AARS2: variants seen among roughly 807,000 people sequenced by gnomAD.
AARS2 encodes the protein alanine--tRNA ligase, mitochondrial.
A neutral mutation model predicts 119.7 loss-of-function variants in AARS2; 78 were observed. The observed-to-expected ratio is 0.65, with a 90% CI of 0.54 to 0.79. The LOEUF is 0.79. AARS2 is among the 30% of genes least tolerant of loss of function. The probability of loss-of-function intolerance (pLI) is 0.00; values close to 1 mark genes in which losing one functional copy is unlikely to be tolerated. For synonymous variants in AARS2, 502 were observed against 526.3 expected (o/e 0.95, Z 0.63); for missense variants, 1,157 against 1,291.3 (o/e 0.90, Z 1.59).
Position 44,307,249 on chromosome 6 carries a change from G to GAA in AARS2, c.1039_1040insTT (p.Pro347LeufsTer20). On this transcript the variant is annotated frameshift_variant and splice_region_variant, in exon 6 of 22. Coordinates refer to ENST00000244571, the MANE Select transcript of AARS2 (RefSeq NM_020745.4). LOFTEE classifies it high-confidence loss of function. The surrounding 1 kb of genome is among the most constrained non-coding windows in gnomAD (Gnocchi z 4.4). ...CTCTCTGTAGCCCTTCCAGACTCAC[G>GAA]GGGGACCTGACATCCCAGGGAAGAT... The GAA allele has an allele frequency of 6.2e-7, 1 of 1,613,792 alleles. No homozygotes were observed.
intron 5 of AARS2, among the ~76,000 whole-genome samples, chr6:44,309,332 G>A (rs1786153845): frequency 6.6e-6 from 1 of 152,192 alleles, no homozygotes; most frequent in South Asian, 2.1e-4. Context: ...ATGGATGAAT[G>A]AGCTCACACA....
Position 44,304,437 on chromosome 6 carries a change from G to A in AARS2, c.1849C>T (p.Gln617Ter). ...PECLRLGDQV[Q>*]LHVDEAWRLG... is the part of the protein sequence containing the mutation. ...ATCCTTACCTCATCCACATGCAGCT[G>A]CACCTGGTCCCCTAACCGCAGGCAC... Residue 617 changes from glutamine (Q) to a stop codon, truncating the protein, a stop_gained, in exon 13 of 22, where the codon CAG becomes TAG. Coordinates refer to ENST00000244571, the MANE Select transcript of AARS2 (RefSeq NM_020745.4). LOFTEE classifies it high-confidence loss of function. 2 of 1,614,206 alleles carry A rather than the reference G, an allele frequency of 1.2e-6. No homozygotes were observed. Among genetic ancestry groups the A allele is most frequent in the Non-Finnish European group, 1.7e-6 (2 of 1,180,022 alleles).
Position 44,303,094 on chromosome 6 carries a change from G to T in AARS2, c.2227C>A (p.Gln743Lys). 1 of 1,614,144 alleles carries T rather than the reference G, an allele frequency of 6.2e-7. No homozygotes were observed. The highest frequency in any genetic ancestry group is 8.5e-7 in the Non-Finnish European group (1 of 1,180,046). ...CCACAGCATAGCTCCACAGAGGTCT[G>T]CAGTGCGGCTTGGGAGGCTGGGTCC... Reference protein sequence around the residue: ...ALDPASQAALQTSVELCCGTH... With the variant: ...ALDPASQAALKTSVELCCGTH... The change falls in exon 16 of 22, where the codon CAG (glutamine) becomes AAG (lysine). Residue 743 changes from glutamine to lysine, a missense_variant. Gln to Lys is a moderately conservative substitution (Grantham distance 53). Transcript: ENST00000244571.
rs199919912 is a variant in AARS2 at position 44,310,432 on chromosome 6, C to A, written c.761G>T (p.Gly254Val). The A allele has an allele frequency of 6.2e-7, 1 of 1,613,706 alleles. No individual in the cohort carries two copies. The highest frequency in any genetic ancestry group is 1.3e-5 in the African/African-American group (1 of 75,058). ...VFMQHNREAD[G>V]SLQPLPQRHV... ...CCGCTGGGGCAGGGGCTGCAGGCTT[C>A]CATCTGCCTCTCTGGCCAGGGAAGG... Residue 254 changes from glycine (G) to valine (V), a missense_variant, in exon 5 of 22, where the codon GGA (glycine) becomes GTA (valine). Transcript: ENST00000244571.
Position 44,305,026 on chromosome 6 carries a change from G to A in AARS2, c.1579+28C>T. On this transcript the variant is annotated intron_variant, in intron 11 of 21. Coordinates refer to ENST00000244571, the MANE Select transcript of AARS2 (RefSeq NM_020745.4). The surrounding 1 kb of genome is among the most constrained non-coding windows in gnomAD (Gnocchi z 4.6). ...CTTAGTCATGGTCAGGCAAGCTTGTGGCGGCAGGCCTTGGTCCAGGCTCTC... is the reference window on the plus strand; with the variant it reads ...CTTAGTCATGGTCAGGCAAGCTTGTAGCGGCAGGCCTTGGTCCAGGCTCTC... The A allele has an allele frequency of 6.2e-7, 1 of 1,614,118 alleles. No individual in the cohort carries two copies. The highest frequency in any genetic ancestry group is 8.5e-7 in the Non-Finnish European group (1 of 1,180,006).
Position 44,303,295 on chromosome 6 carries a change from A to G in AARS2, c.2136T>C (p.Ser712=), listed in dbSNP as rs148905693. 9.9e-6 allele frequency: 16 copies of G among 1,614,006 alleles called. No homozygotes were observed. The African/African-American group carries it at 1.9e-4, about 19-fold the overall frequency. ...ALTAQVPGLR[S]LDEVYPDPVR... is the part of the protein sequence containing the mutation. ...GGCTTCCCCAACTCACCTCATCCAGAGAGCGCAGGCCAGGGACCTGGGCAG... is the reference window on the plus strand; with the variant it reads ...GGCTTCCCCAACTCACCTCATCCAGGGAGCGCAGGCCAGGGACCTGGGCAG... Residue 712 remains serine (S), a synonymous_variant, in exon 15 of 22, where the codon TCT becomes TCC. Transcript: ENST00000244571.
In AARS2 at chr6:44,306,476, C is replaced by G. The variant is rs1379206089; in HGVS notation, c.1188+18G>C. ...AACTCTCCCATCAACCCCTTTCTCT[C>G]CCACTGGAATCCAGTACCTGGGCTG... On this transcript the variant is annotated intron_variant, in intron 8 of 21. Transcript: ENST00000244571. 6.2e-7 allele frequency: 1 copy of G among 1,614,160 alleles called. No homozygotes were observed. The highest frequency in any genetic ancestry group is 1.3e-5 in the African/African-American group (1 of 75,038).
chr6:44,310,274 C>T (rs1786232577), intron 5 of AARS2, 25 bp downstream of exon 5: 1 of 1,573,902 alleles, frequency 6.4e-7, no homozygotes, highest in Non-Finnish European at 8.6e-7. Flanking sequence ...GGTTAGAGGG[C>T]TTCTGGAAGG....
intron 8 of AARS2, 43 bp from the exon 9 acceptor site, chr6:44,306,434 G>A (rs1203943628): frequency 6.2e-7 from 1 of 1,613,786 alleles, no homozygotes; most frequent in Non-Finnish European, 8.5e-7. Context: ...CTCCTTGGAA[G>A]GAGGGTCTCT....
chr6:44,308,845 G>A (rs1026045368), intron 5 of AARS2, among the ~76,000 whole-genome samples: 9 of 151,850 alleles, frequency 5.9e-5, no homozygotes, highest in Non-Finnish European at 7.4e-5. Flanking sequence ...CAAGCGATCC[G>A]CCCCCCTCTG....
rs1456091840 is a variant in AARS2 at position 44,299,503 on chromosome 6, G to C, written c.*1044C>G. Among the ~76,000 whole-genome samples the C allele has an allele frequency of 6.6e-6, 1 of 151,432 alleles. No homozygotes were observed. On this transcript the variant is annotated 3_prime_UTR_variant, in exon 22 of 22. Coordinates refer to ENST00000244571, the MANE Select transcript of AARS2 (RefSeq NM_020745.4). ...TGGTCTTGCACTTCTGGCCTCAAGC[G>C]ATTCTCCAACCTCAGCCTCCTAAAA...
chr6:44,301,247 C>A lies in AARS2; in HGVS notation c.2702G>T (p.Arg901Leu). The A allele has an allele frequency of 6.2e-7, 1 of 1,613,922 alleles. No homozygotes were observed. The highest frequency in any genetic ancestry group is 2.2e-5 in the East Asian group (1 of 44,872). ...GCTGGGGGCCTGCTCACACAGCTGC[C>A]GTACCACCTTCACCAGCACCTGGAC... ...ESLSVLVKVV[R>L]QLCEQAPSTS... The change falls in exon 21 of 22, where the codon CGG becomes CTG. Residue 901 changes from arginine (R) to leucine (L), a missense_variant. Arg to Leu is a moderately radical substitution (Grantham distance 102). Coordinates refer to ENST00000244571, the MANE Select transcript of AARS2 (RefSeq NM_020745.4).
chr6:44,311,319 TG>T, intron 3 of AARS2, 70 bp downstream of exon 3: 1 of 1,609,518 alleles, frequency 6.2e-7, no homozygotes, highest in Non-Finnish European at 8.5e-7. Flanking sequence ...CTCTGAGGAT[TG>T]GTGCTGGTAG....
Position 44,310,322 on chromosome 6 carries a change from G to C in AARS2, c.871C>G (p.Pro291Ala). The change falls in exon 5 of 22, where the codon CCG becomes GCG. Residue 291 changes from proline to alanine, a missense_variant. Transcript: ENST00000244571. ...ACCTGCTGTATGGCGTTGAGCAGCG[G>C]GGAAAAGAGGTCAGTGTCATAGGTG... ...HSTYDTDLFS[P>A]LLNAIQQGCR... The C allele has an allele frequency of 6.2e-7, 1 of 1,608,346 alleles. No homozygotes were observed. The highest frequency in any genetic ancestry group is 8.5e-7 in the Non-Finnish European group (1 of 1,177,294).
intron 5 of AARS2, among the ~76,000 whole-genome samples, chr6:44,308,990 G>A (rs1400436342): frequency 1.3e-5 from 2 of 152,194 alleles, no homozygotes; most frequent in Admixed American, 6.5e-5. Flanking sequence ...TTCTCTGTGA[G>A]ACTGTTCACA....
At chr6:44,312,658 C>G (rs866545313) in intron 1 of AARS2, among the ~76,000 whole-genome samples, 1 of 152,176 alleles carries the variant, frequency 6.6e-6, no homozygotes, top group African/African-American at 2.4e-5. Flanking sequence ...CTAAGGTTAA[C>G]TTATGCCGCC....
Position 44,300,343 on chromosome 6 carries a change from GGT to G in AARS2, c.*202_*203del. ...TCCATGTCTTCTCTTTCACCAAGGG[GGT>G]GTGTGTCTTTGGGCCCAGTTCTGCC... On this transcript the variant is annotated 3_prime_UTR_variant, in exon 22 of 22. Transcript: ENST00000244571. 3.0e-6 allele frequency: 2 copies of G among 660,686 alleles called. No homozygotes were observed. The highest frequency in any genetic ancestry group is 2.6e-6 in the Non-Finnish European group (1 of 378,098). 40.9% of individuals were successfully genotyped at this position (660,686 alleles called of 1,614,324 possible).
At position 44,307,060 on chromosome 6, in the gene AARS2, T is replaced by C. The variant is rs7740535; in HGVS notation, c.1041-29A>G. 1,544,839 of 1,612,610 alleles carry C rather than the reference T, an allele frequency of 0.96. 742,236 individuals carry two copies. The highest frequency in any genetic ancestry group is 1 in the East Asian group (44,786 of 44,838). ...AAGGGGTTCAGAGCCCAGACATGAA[T>C]CCCCAGCGGCTCATGGTCAGCAATA... On this transcript the variant is annotated intron_variant, in intron 6 of 21. Transcript: ENST00000244571. The surrounding 1 kb of genome is among the most constrained non-coding windows in gnomAD (Gnocchi z 4.4).
chr6:44,307,570 C>T lies in AARS2; in HGVS notation c.895-176G>A. On this transcript the variant is annotated intron_variant, in intron 5 of 21. Transcript: ENST00000244571. The surrounding 1 kb of genome is among the most constrained non-coding windows in gnomAD (Gnocchi z 4.4). ...ATGAGCACAAGCCAGGCCCTGCCCTCACGGGGCTCATATTTGGTGCTACAA... is the reference window on the plus strand; with the variant it reads ...ATGAGCACAAGCCAGGCCCTGCCCTTACGGGGCTCATATTTGGTGCTACAA... 1.3e-6 allele frequency: 1 copy of T among 742,198 alleles called. No homozygotes were observed. Among genetic ancestry groups the T allele is most frequent in the South Asian group, 1.8e-5 (1 of 55,964 alleles). The allele number at this position is 742,198 out of a possible 1,614,324, so 46.0% of individuals were successfully genotyped here. A position where few individuals can be genotyped will look rare whatever the true frequency, so the allele number is the denominator to read the frequency against.
Sources: allele counts gnomAD v4.1 joint callset (sites outside exome capture counted in the v4.1 genomes callset), GRCh38; gene constraint gnomAD v4.1.1; non-coding constraint Gnocchi (gnomAD v3.1); transcripts MANE v1.5; gene names NCBI Gene and HGNC (gene_info 2026-07-23, HGNC 2026-07-21).